GPD1L: variants seen among roughly 807,000 people sequenced by gnomAD.
GPD1L encodes the protein glycerol-3-phosphate dehydrogenase 1 like.
In GPD1L, 17 loss-of-function variants were observed where a neutral mutation model predicts 32.9. That is an observed-to-expected ratio of 0.52 (90% CI 0.35 to 0.78). The LOEUF (loss-of-function observed/expected upper bound fraction) is 0.78, where lower values mean the gene tolerates loss of function less well. GPD1L is among the 30% of genes least tolerant of loss of function. GPD1L has a pLI of 0.01. For synonymous variants in GPD1L, 187 were observed against 165.9 expected (o/e 1.13, Z -0.98); for missense variants, 361 against 447.8 (o/e 0.81, Z 1.75).
At chr3:32,123,826 A>ATAGATAGATAGATAGATAGG in intron 1 of GPD1L, among the ~76,000 whole-genome samples, 1 of 148,266 alleles carries the variant, frequency 6.7e-6, no homozygotes, top group East Asian at 1.9e-4. Context: ...AGATAGATAG[A>ATAGATAGATAGATAGATAGG]TAGATAGATA....
chr3:32,112,461 C>T (rs1369040528), intron 1 of GPD1L, among the ~76,000 whole-genome samples: 1 of 151,980 alleles, frequency 6.6e-6, no homozygotes, highest in Non-Finnish European at 1.5e-5. Context: ...TTAGTGAGAC[C>T]CTGTCTGTAC....
chr3:32,129,395 GT>G (rs1268594126), intron 2 of GPD1L, among the ~76,000 whole-genome samples: 5 of 152,198 alleles, frequency 3.3e-5, no homozygotes, highest in Non-Finnish European at 7.3e-5. Context: ...GGAAGTTTTA[GT>G]TACAGTGTTC....
rs758672636 is a variant in GPD1L at position 32,167,500 on chromosome 3, CT to C, written c.*1593del. On this transcript the variant is annotated 3_prime_UTR_variant, in exon 8 of 8. Transcript: ENST00000282541. ...GGCCTGCTGTGAATCTTTGATGAAG[CT>C]TTAAGGTGACACTGTTGTACAAGAT... 3.3e-5 allele frequency: 5 copies of C among 152,616 alleles called. No homozygotes were observed. The highest frequency in any genetic ancestry group is 7.3e-5 in the Non-Finnish European group (5 of 68,030). 9.5% of individuals were successfully genotyped at this position (152,616 alleles called of 1,614,324 possible).
At chr3:32,124,816 C>T (rs1700483861) in intron 1 of GPD1L, among the ~76,000 whole-genome samples, 1 of 152,100 alleles carries the variant, frequency 6.6e-6, no homozygotes, top group African/African-American at 2.4e-5. Context: ...AGTCCAGCTA[C>T]TCGAGGGGCC....
intron 7 of GPD1L, among the ~76,000 whole-genome samples, chr3:32,160,979 G>C (rs1701066859): frequency 6.6e-6 from 1 of 152,206 alleles, no homozygotes; most frequent in Admixed American, 6.5e-5. Flanking sequence ...GCCTAGGACT[G>C]AAGGGAGCTG....
intron 5 of GPD1L, among the ~76,000 whole-genome samples, chr3:32,149,557 G>A (rs1466125232): frequency 6.6e-6 from 1 of 152,160 alleles, no homozygotes; most frequent in East Asian, 1.9e-4. Context: ...TTGTACCAGT[G>A]CCTCTTACTA....
At position 32,114,696 on chromosome 3, in the gene GPD1L, G is replaced by A. The variant is rs1423814638; in HGVS notation, c.47+7938G>A. The stretch of plus-strand genomic sequence containing the variant: ...TCTCGCTGACTTCGAGAATGAAGCC[G>A]CGGACCCTCACGGTGAGTGTTACAG... On this transcript the variant is annotated intron_variant, in intron 1 of 7. Coordinates refer to ENST00000282541, the MANE Select transcript of GPD1L (RefSeq NM_015141.4). Among the ~76,000 whole-genome samples, 14 of 151,960 alleles carry A rather than the reference G, an allele frequency of 9.2e-5. 1 individual carries two copies. Among genetic ancestry groups the A allele is most frequent in the African/African-American group, 3.4e-4 (14 of 41,256 alleles).
At position 32,149,730 on chromosome 3, in the gene GPD1L, G is replaced by A. The variant is rs76225107; in HGVS notation, c.618+2996G>A. On this transcript the variant is annotated intron_variant, in intron 5 of 7. Coordinates refer to ENST00000282541, the MANE Select transcript of GPD1L (RefSeq NM_015141.4). ...GTGGAGGCCAAGGCGGGTGGATCAC[G>A]TGAGTATGGGAGTCTTAGACCAGTC... Among the ~76,000 whole-genome samples, 3,556 of 152,172 alleles carry A rather than the reference G, an allele frequency of 0.023. 305 individuals are homozygous for A. In the East Asian group the frequency reaches 0.26, roughly 11 times the overall value.
chr3:32,153,938 G>A (rs376853773), intron 5 of GPD1L, among the ~76,000 whole-genome samples: 13 of 152,088 alleles, frequency 8.5e-5, no homozygotes, highest in Non-Finnish European at 1.6e-4. Context: ...AGCTACATAC[G>A]TCTGTTTTCT....
chr3:32,157,972 G>A lies in GPD1L; in HGVS notation c.619-904G>A, dbSNP rs115520490. Among the ~76,000 whole-genome samples, 453 of 152,278 alleles carry A rather than the reference G, an allele frequency of 3.0e-3. 1 individual carries two copies. The highest frequency in any genetic ancestry group is 0.01 in the African/African-American group (427 of 41,550). On this transcript the variant is annotated intron_variant, in intron 5 of 7. Coordinates refer to ENST00000282541, the MANE Select transcript of GPD1L (RefSeq NM_015141.4). Reference sequence around the variant, plus strand: ...TGGGGATTATTAAATGAAGCAAAAGGCTGGAATTTGAGCTGCACACATACA... The same window carrying A: ...TGGGGATTATTAAATGAAGCAAAAGACTGGAATTTGAGCTGCACACATACA...
chr3:32,159,032 G>A lies in GPD1L; in HGVS notation c.775G>A (p.Gly259Arg), dbSNP rs146477959. Reference sequence around the variant, plus strand: ...TACAGCCACCTTCCTAGAGAGCTGCGGGGTGGCCGACCTGATCACCACCTG... The same window carrying A: ...TACAGCCACCTTCCTAGAGAGCTGCAGGGTGGCCGACCTGATCACCACCTG... ...VSTATFLESC[G>R]VADLITTCYG... The change falls in exon 6 of 8, where the codon GGG becomes AGG. Residue 259 changes from glycine (G) to arginine (R), a missense_variant. Transcript: ENST00000282541. The A allele has an allele frequency of 8.7e-6, 14 of 1,613,858 alleles. No homozygotes were observed. Among genetic ancestry groups the A allele is most frequent in the East Asian group, 2.2e-5 (1 of 44,892 alleles).
intron 7 of GPD1L, among the ~76,000 whole-genome samples, chr3:32,162,285 C>T (rs1701083265): frequency 6.6e-6 from 1 of 152,204 alleles, no homozygotes; most frequent in Admixed American, 6.5e-5. Context: ...CAATCTAGCA[C>T]CAATGTAACT....
At chr3:32,146,581 G>A (rs775997460) in intron 4 of GPD1L, 41 bp from the exon 5 acceptor site, 22 of 1,053,422 alleles carry the variant, frequency 2.1e-5, no homozygotes, top group Non-Finnish European at 3.3e-5. Context: ...ATTAAGATTA[G>A]AGGCTGTTAT....
In GPD1L at chr3:32,167,808, A is replaced by T. The variant is rs959640763; in HGVS notation, c.*1898A>T. ...AAATAGATTTTCATGGGAATTTTAA[A>T]AACTCTATCCAAAACATTTTTGGAG... On this transcript the variant is annotated 3_prime_UTR_variant, in exon 8 of 8. Transcript: ENST00000282541. 6.6e-6 allele frequency: 1 copy of T among 152,206 alleles called. No individual in the cohort carries two copies. Among genetic ancestry groups the T allele is most frequent in the Non-Finnish European group, 1.5e-5 (1 of 68,042 alleles). 9.4% of individuals were successfully genotyped at this position (152,206 alleles called of 1,614,324 possible).
intron 2 of GPD1L, among the ~76,000 whole-genome samples, chr3:32,135,601 C>T (rs980749369): frequency 2.6e-5 from 4 of 152,034 alleles, no homozygotes; most frequent in Admixed American, 6.5e-5. Context: ...TACAGGTGTG[C>T]ACCACCACAC....
rs952487973 is a variant in GPD1L at position 32,168,216 on chromosome 3, A to T, written c.*2306A>T. On this transcript the variant is annotated 3_prime_UTR_variant, in exon 8 of 8. Coordinates refer to ENST00000282541, the MANE Select transcript of GPD1L (RefSeq NM_015141.4). ...TTCTGCACATTATGGAAAAAGGTAAATTTTAGAAGTTTCTGCTCTACTAAC... is the reference window on the plus strand; with the variant it reads ...TTCTGCACATTATGGAAAAAGGTAATTTTTAGAAGTTTCTGCTCTACTAAC... The T allele has an allele frequency of 6.6e-6, 1 of 152,548 alleles. No homozygotes were observed. The highest frequency in any genetic ancestry group is 1.5e-5 in the Non-Finnish European group (1 of 68,032). 9.4% of individuals were successfully genotyped at this position (152,548 alleles called of 1,614,324 possible).
At chr3:32,145,036 G>A (rs1390498884) in intron 4 of GPD1L, among the ~76,000 whole-genome samples, 1 of 151,488 alleles carries the variant, frequency 6.6e-6, no homozygotes. Context: ...TAAAATTCGC[G>A]GGCCGGGTGC....
chr3:32,142,440 T>C (rs1188695086), intron 4 of GPD1L, among the ~76,000 whole-genome samples: 2 of 152,198 alleles, frequency 1.3e-5, no homozygotes. Context: ...TTTAATGGCT[T>C]TTACTATTAG....
chr3:32,166,371 A>G lies in GPD1L; in HGVS notation c.*461A>G, dbSNP rs903188376. On this transcript the variant is annotated 3_prime_UTR_variant, in exon 8 of 8. Coordinates refer to ENST00000282541, the MANE Select transcript of GPD1L (RefSeq NM_015141.4). ...GTGTGTTCAAAGATCAACATATTTA[A>G]CTTTTAAACACTATCTCAAAGCCAG... 5.2e-6 allele frequency: 1 copy of G among 193,396 alleles called. No individual in the cohort carries two copies. The highest frequency in any genetic ancestry group is 1.1e-5 in the Non-Finnish European group (1 of 92,888). 12.0% of individuals were successfully genotyped at this position (193,396 alleles called of 1,614,324 possible).
Sources: gnomAD v4.1 joint callset for allele counts (sites outside exome capture counted in the v4.1 genomes callset) on GRCh38, gnomAD v4.1.1 for gene constraint, MANE v1.5 for transcripts, NCBI Gene and HGNC (gene_info 2026-07-23, HGNC 2026-07-21) for gene names.